The following SENP2 variants were observed in gnomAD, a reference collection of about 807,000 sequenced individuals.
SENP2 encodes SUMO specific peptidase 2, also known as sentrin-specific protease 2.
A neutral mutation model predicts 86.3 loss-of-function variants in SENP2; 16 were observed. The ratio of observed to expected loss-of-function variants is 0.19; its 90% CI spans 0.13 to 0.28. The LOEUF is 0.28. Ranked by LOEUF, SENP2 falls within the 10% of genes least tolerant of loss-of-function variation. SENP2 has a pLI of 1.00. For synonymous variants in SENP2, 222 were observed against 238.7 expected (o/e 0.93, Z 0.64); for missense variants, 552 against 703.0 (o/e 0.79, Z 2.43).
intron 11 of SENP2, 144 bp downstream of exon 11, chr3:185,614,884 A>C (rs1711545453): frequency 1.4e-6 from 1 of 720,746 alleles, no homozygotes; most frequent in Non-Finnish European, 2.2e-6. Context: ...CTGTTGATTC[A>C]CTTTGACTAC....
intron 5 of SENP2, among the ~76,000 whole-genome samples, chr3:185,605,916 T>G (rs1722495992): frequency 6.6e-6 from 1 of 152,226 alleles, no homozygotes; most frequent in Admixed American, 6.5e-5. Flanking sequence ...TGAAAGGATG[T>G]AATCTCTTTT....
In SENP2 at chr3:185,599,015, C is replaced by G; in HGVS notation, c.349C>G (p.Leu117Val). ...AGGTTCTGGATCCTGGAACAACATGCTGAAACTGGGTGAGGTGGTCAAAAA... is the reference window on the plus strand; with the variant it reads ...AGGTTCTGGATCCTGGAACAACATGGTGAAACTGGGTGAGGTGGTCAAAAA... Reference protein sequence around the residue: ...LTGSGSWNNMLKLGNKSPNGI... With the variant: ...LTGSGSWNNMVKLGNKSPNGI... The change falls in exon 4 of 17, where the codon CTG (leucine) becomes GTG (valine). Residue 117 changes from leucine to valine, a missense_variant. Around this residue, in one of 2 missense-constraint regions of SENP2, gnomAD observed 383 missense variants for 427.3 expected, o/e 0.90. Coordinates refer to ENST00000296257, the MANE Select transcript of SENP2 (RefSeq NM_021627.3). 2.5e-6 allele frequency: 4 copies of G among 1,611,944 alleles called. No homozygotes were observed. The highest frequency in any genetic ancestry group is 3.4e-6 in the Non-Finnish European group (4 of 1,179,134).
At chr3:185,623,045 A>G (rs1711962821) in intron 14 of SENP2, among the ~76,000 whole-genome samples, 1 of 151,704 alleles carries the variant, frequency 6.6e-6, no homozygotes, top group South Asian at 2.1e-4. Context: ...TTGAACTCCC[A>G]ACCTCAGGTG....
intron 10 of SENP2, among the ~76,000 whole-genome samples, chr3:185,614,058 AT>A (rs1711508527): frequency 6.6e-6 from 1 of 152,108 alleles, no homozygotes; most frequent in Non-Finnish European, 1.5e-5. Context: ...GCAGAATTCT[AT>A]TTGTTTACTA....
chr3:185,614,966 A>G (rs955049180), intron 11 of SENP2, among the ~76,000 whole-genome samples: 4 of 152,208 alleles, frequency 2.6e-5, no homozygotes, highest in African/African-American at 9.6e-5. Context: ...TGGGGAGTCG[A>G]CACAGTCATC....
chr3:185,628,110 C>A (rs185151788), intron 16 of SENP2, among the ~76,000 whole-genome samples: 1 of 152,066 alleles, frequency 6.6e-6, no homozygotes. Flanking sequence ...GCCCCCACCC[C>A]TAGGGAGGAC....
intron 2 of SENP2, among the ~76,000 whole-genome samples, chr3:185,591,753 C>T (rs1451459483): frequency 6.8e-6 from 1 of 147,304 alleles, no homozygotes; most frequent in African/African-American, 2.5e-5. Flanking sequence ...TTTTTCGAGA[C>T]AGGGTCTCAT....
In SENP2 at chr3:185,632,705, G is replaced by A. The variant is rs1577755926; in HGVS notation, c.*2861G>A. On this transcript the variant is annotated 3_prime_UTR_variant, in exon 17 of 17. Transcript: ENST00000296257. ...ACCCCTGGCTAATTTTGTATTTTTA[G>A]TGGAGACGGGGTTTCTCCATGTTGG... 6.6e-6 allele frequency: 1 copy of A among 151,980 alleles called. No homozygotes were observed. The highest frequency in any genetic ancestry group is 1.5e-5 in the Non-Finnish European group (1 of 68,150). 9.4% of individuals were successfully genotyped at this position (151,980 alleles called of 1,614,324 possible).
At position 185,632,079 on chromosome 3, in the gene SENP2, T is replaced by G. The variant is rs1000953935; in HGVS notation, c.*2235T>G. ...TTCTCTAGGCACTCACATGTCTCCC[T>G]TGGCATAAGGAAACATGTTAGTAAT... On this transcript the variant is annotated 3_prime_UTR_variant, in exon 17 of 17. Coordinates refer to ENST00000296257, the MANE Select transcript of SENP2 (RefSeq NM_021627.3). 1 of 151,940 alleles carries G rather than the reference T, an allele frequency of 6.6e-6. No homozygotes were observed. The highest frequency in any genetic ancestry group is 2.4e-5 in the African/African-American group (1 of 41,366). 9.4% of individuals were successfully genotyped at this position (151,940 alleles called of 1,614,324 possible).
intron 5 of SENP2, among the ~76,000 whole-genome samples, chr3:185,603,366 G>A (rs919991444): frequency 6.6e-5 from 10 of 152,186 alleles, no homozygotes; most frequent in Admixed American, 1.3e-4. Flanking sequence ...ATAACTAAAT[G>A]CAGCATTCCT....
intron 2 of SENP2, among the ~76,000 whole-genome samples, chr3:185,593,869 C>CGT (rs1487204096): frequency 1.3e-5 from 2 of 151,898 alleles, no homozygotes; most frequent in African/African-American, 4.8e-5. Context: ...GCTGGGATTA[C>CGT]AGGCGCCCAC....
chr3:185,629,131 CAG>C (rs1311198490), intron 16 of SENP2, among the ~76,000 whole-genome samples: 1 of 152,138 alleles, frequency 6.6e-6, no homozygotes, highest in African/African-American at 2.4e-5. Context: ...CATAAAAAAA[CAG>C]AATATGTTCA....
At chr3:185,624,159 C>A in intron 15 of SENP2, 77 bp downstream of exon 15, 1 of 901,612 alleles carries the variant, frequency 1.1e-6, no homozygotes, top group Non-Finnish European at 1.7e-6. Context: ...GGCTCCCTTC[C>A]TGCCCTTCCT....
chr3:185,621,393 T>TTC (rs1711880269), intron 13 of SENP2, among the ~76,000 whole-genome samples: 1 of 131,520 alleles, frequency 7.6e-6, no homozygotes, highest in Non-Finnish European at 1.6e-5. Flanking sequence ...TTTCTTTTTT[T>TTC]TTTTTTTTTT....
At position 185,630,986 on chromosome 3, in the gene SENP2, C is replaced by CTGA. The variant is rs1328130631; in HGVS notation, c.*1144_*1146dup. 1 of 152,102 alleles carries CTGA rather than the reference C, an allele frequency of 6.6e-6. No individual in the cohort carries two copies. The highest frequency in any genetic ancestry group is 2.4e-5 in the African/African-American group (1 of 41,418). 9.4% of individuals were successfully genotyped at this position (152,102 alleles called of 1,614,324 possible). A position where few individuals can be genotyped will look rare whatever the true frequency, so the allele number is the denominator to read the frequency against. On this transcript the variant is annotated 3_prime_UTR_variant, in exon 17 of 17. Transcript: ENST00000296257. ...ACTTTTTTGTTCATTAAAAACCTTA[C>CTGA]TGATATGGTTATAACTTCAGACAGT...
At chr3:185,628,009 TCAG>T (rs1475082066) in intron 16 of SENP2, among the ~76,000 whole-genome samples, 7 of 152,206 alleles carry the variant, frequency 4.6e-5, no homozygotes, top group Non-Finnish European at 1.0e-4. Flanking sequence ...TTGCTTAGTC[TCAG>T]CAGTTTTACT....
chr3:185,592,007 A>ATTTTTTTTTTTT lies in SENP2; in HGVS notation c.157+1841_157+1842insTTTTTTTTTTTT, dbSNP rs1261238822. 5.4e-3 allele frequency among the ~76,000 whole-genome samples: 190 copies of ATTTTTTTTTTTT among 34,866 alleles called. 5 individuals carry two copies. The highest frequency in any genetic ancestry group is 0.033 in the East Asian group (39 of 1,186). 22.9% of individuals were successfully genotyped at this position (34,866 alleles called of 152,430 possible). A position where few individuals can be genotyped will look rare whatever the true frequency, so the allele number is the denominator to read the frequency against. ...ACTCCTGTCTTTAAGAACCGGTAAT[A>ATTTTTTTTTTTT]TTTCTTTTTTTTTTTTTTTTTTTTT... On this transcript the variant is annotated intron_variant, in intron 2 of 16. Transcript: ENST00000296257.
intron 5 of SENP2, among the ~76,000 whole-genome samples, chr3:185,602,013 C>CT (rs1259062132): frequency 2.0e-5 from 3 of 152,086 alleles, no homozygotes; most frequent in African/African-American, 7.2e-5. Context: ...AGTTCTCCCC[C>CT]TGCCTATTCC....
At chr3:185,615,595 C>T (rs1711569407) in intron 11 of SENP2, among the ~76,000 whole-genome samples, 1 of 152,112 alleles carries the variant, frequency 6.6e-6, no homozygotes, top group Admixed American at 6.5e-5. Flanking sequence ...CTACCCACCT[C>T]GGCCTCCCAA....
Sources: allele counts gnomAD v4.1 joint callset (sites outside exome capture counted in the v4.1 genomes callset), GRCh38; gene constraint gnomAD v4.1.1; regional missense constraint gnomAD v4.1.1; transcripts MANE v1.5; gene names NCBI Gene and HGNC (gene_info 2026-07-23, HGNC 2026-07-21).